Variants in GTF2E2 observed in about 807,000 individuals in gnomAD.
GTF2E2 encodes general transcription factor IIE subunit 2.
In GTF2E2, 21 loss-of-function variants were observed where a neutral mutation model predicts 40.5. The observed-to-expected ratio is 0.52, with a 90% CI of 0.37 to 0.75. GTF2E2 has a LOEUF of 0.75. Ranked by LOEUF, GTF2E2 falls within the 30% of genes least tolerant of loss-of-function variation. GTF2E2 has a pLI of 0.00. For synonymous variants in GTF2E2, 117 were observed against 121.6 expected, an observed-to-expected ratio of 0.96 and a Z score of 0.25; for missense variants, 298 against 338.4, an observed-to-expected ratio of 0.88 and a Z score of 0.94.
chr8:30,650,872 G>A (rs1802250364), intron 2 of GTF2E2, among the ~76,000 whole-genome samples: 1 of 152,108 alleles, frequency 6.6e-6, no homozygotes, highest in Non-Finnish European at 1.5e-5. Flanking sequence ...AAATTAGCCA[G>A]CCATGGCGAT....
chr8:30,630,456 A>C (rs1443789425), intron 3 of GTF2E2, among the ~76,000 whole-genome samples: 1 of 152,174 alleles, frequency 6.6e-6, no homozygotes, highest in Non-Finnish European at 1.5e-5. Context: ...TTCCCTATTA[A>C]ATGAATCAAC....
At chr8:30,610,239 A>T (rs1278170768) in intron 5 of GTF2E2, among the ~76,000 whole-genome samples, 3 of 152,102 alleles carry the variant, frequency 2.0e-5, no homozygotes, top group Non-Finnish European at 4.4e-5. Context: ...TGAGGTCAGG[A>T]GTTCGAGACC....
At chr8:30,637,978 C>T (rs1585993067) in intron 2 of GTF2E2, among the ~76,000 whole-genome samples, 1 of 152,182 alleles carries the variant, frequency 6.6e-6, no homozygotes, top group African/African-American at 2.4e-5. Flanking sequence ...CTCTAAAGAG[C>T]CAACCTGGAG....
intron 6 of GTF2E2, among the ~76,000 whole-genome samples, chr8:30,598,609 T>A (rs1439089059): frequency 6.6e-6 from 1 of 152,224 alleles, no homozygotes. Flanking sequence ...AAACATGACA[T>A]CTACTATGTA....
intron 2 of GTF2E2, chr8:30,636,846 C>T (rs570087707): frequency 3.9e-5 from 13 of 329,510 alleles, no homozygotes; most frequent in Admixed American, 9.1e-5. Context: ...AGTGAGACTC[C>T]GTCTCAAAAT....
At chr8:30,645,526 T>C (rs1039436776) in intron 2 of GTF2E2, 1 of 1,535,664 alleles carries the variant, frequency 6.5e-7, no homozygotes, top group Non-Finnish European at 8.7e-7. Context: ...CGTGAAAGAC[T>C]TGAAAAGTGA....
intron 3 of GTF2E2, among the ~76,000 whole-genome samples, chr8:30,633,237 T>C (rs1349366948): frequency 6.6e-6 from 1 of 152,100 alleles, no homozygotes; most frequent in South Asian, 2.1e-4. Flanking sequence ...GATCAATAAA[T>C]GATTTGAAAG....
Position 30,578,973 on chromosome 8 carries a change from T to C in GTF2E2, c.824A>G (p.Glu275Gly). Residue 275 changes from glutamate (E) to glycine (G), a missense_variant, in exon 8 of 8, where the codon GAA becomes GGA. Coordinates refer to ENST00000355904, the MANE Select transcript of GTF2E2 (RefSeq NM_002095.6). ...ATCCTTCAGCACTCCAGCCAAGTGT[T>C]CGTTATGAGTCTTAAAGCGTCGCTT... ...QKKRRFKTHN[E>G]HLAGVLKDYS... 6.2e-7 allele frequency: 1 copy of C among 1,611,186 alleles called. No individual in the cohort carries two copies. The highest frequency in any genetic ancestry group is 8.5e-7 in the Non-Finnish European group (1 of 1,177,304).
chr8:30,587,343 G>A (rs1176788389), intron 6 of GTF2E2, among the ~76,000 whole-genome samples: 16 of 152,186 alleles, frequency 1.1e-4, no homozygotes, highest in Non-Finnish European at 4.4e-5. Flanking sequence ...AGCCTGGGAG[G>A]TGGAGGCTGC....
intron 6 of GTF2E2, among the ~76,000 whole-genome samples, chr8:30,605,113 C>G (rs963590129): frequency 9.2e-5 from 14 of 152,196 alleles, no homozygotes; most frequent in Admixed American, 1.3e-4. Context: ...CTACTGCAAT[C>G]TCTTTCCTAT....
intron 2 of GTF2E2, among the ~76,000 whole-genome samples, chr8:30,644,750 A>ATTT (rs5890531): frequency 2.1e-5 from 3 of 141,486 alleles, no homozygotes; most frequent in African/African-American, 5.2e-5. Context: ...CGGTATATGA[A>ATTT]TTTTTTTTTT....
chr8:30,596,683 T>C (rs1222902703), intron 6 of GTF2E2, among the ~76,000 whole-genome samples: 1 of 135,936 alleles, frequency 7.4e-6, no homozygotes, highest in African/African-American at 2.5e-5. Context: ...CTTCCTTCTT[T>C]TTATGCCTCA....
Position 30,653,455 on chromosome 8 carries a change from C to T in GTF2E2, c.144G>A (p.Ser48=), listed in dbSNP as rs150995616. The change falls in exon 2 of 8, where the codon TCG becomes TCA. Residue 48 remains serine, a synonymous_variant. Transcript: ENST00000355904. ...KKKTKVEHGG[S]SGSKQNSDHS... is the part of the protein sequence containing the mutation. ...AACCAGAATTTTGTTTAGAGCCTGA[C>T]GATCCTCCATGTTCTACCTTTGTTT... is the stretch of plus-strand genomic sequence containing the variant. 4.8e-4 allele frequency: 776 copies of T among 1,613,412 alleles called. 5 individuals carry two copies. The highest frequency in any genetic ancestry group is 2.2e-3 in the South Asian group (203 of 90,976).
intron 6 of GTF2E2, among the ~76,000 whole-genome samples, chr8:30,583,486 C>A (rs1828571856): frequency 6.6e-6 from 1 of 151,956 alleles, no homozygotes; most frequent in Admixed American, 6.5e-5. Flanking sequence ...CTCAATCAAT[C>A]TTCCTCCCTC....
chr8:30,653,494 C>T lies in GTF2E2; in HGVS notation c.105G>A (p.Ser35=), dbSNP rs116171256. 22 of 1,613,446 alleles carry T rather than the reference C, an allele frequency of 1.4e-5. No homozygotes were observed. The African/African-American group carries it at 1.9e-4, about 14-fold the overall frequency. ...CTACCTTTGTTTTCTTCTTCTTTGA[C>T]GATGATGATGATGACTCAGAAGATG... ...RSASSESSSS[S]SKKKKTKVEH... The change falls in exon 2 of 8, where the codon TCG becomes TCA. Residue 35 remains serine, a synonymous_variant. Transcript: ENST00000355904.
intron 2 of GTF2E2, among the ~76,000 whole-genome samples, chr8:30,640,304 T>C (rs1801768174): frequency 6.6e-6 from 1 of 152,228 alleles, no homozygotes; most frequent in African/African-American, 2.4e-5. Flanking sequence ...AGCATAACTT[T>C]ATTCTCATCT....
intron 2 of GTF2E2, among the ~76,000 whole-genome samples, chr8:30,639,546 C>T (rs1420644979): frequency 6.6e-6 from 1 of 152,104 alleles, no homozygotes; most frequent in Non-Finnish European, 1.5e-5. Context: ...AAGTACCTTT[C>T]TAGGTAACAA....
intron 4 of GTF2E2, 21 bp from the exon 5 acceptor site, chr8:30,612,502 G>A (rs781543690): frequency 7.1e-7 from 1 of 1,408,546 alleles, no homozygotes; most frequent in Non-Finnish European, 9.9e-7. Flanking sequence ...GATACAATTG[G>A]AATATATTAA....
At chr8:30,597,567 G>A (rs1379328951) in intron 6 of GTF2E2, 5 of 152,222 alleles carry the variant, frequency 3.3e-5, no homozygotes, top group Non-Finnish European at 1.5e-5. Context: ...TCTGTCTCAG[G>A]TAAACAAGTG....
Sources: gnomAD v4.1 joint callset for allele counts (sites outside exome capture counted in the v4.1 genomes callset) on GRCh38, gnomAD v4.1.1 for gene constraint, MANE v1.5 for transcripts, NCBI Gene and HGNC (gene_info 2026-07-23, HGNC 2026-07-21) for gene names.